The following ZNF232 variants were observed in gnomAD, a reference collection of about 807,000 sequenced individuals.
The protein encoded by ZNF232 is zinc finger and SCAN domain-containing protein 11.
A neutral mutation model predicts 25.2 loss-of-function variants in ZNF232; 25 were observed. The observed-to-expected ratio is 0.99, with a 90% CI of 0.72 to 1.39. The LOEUF (loss-of-function observed/expected upper bound fraction) is 1.39. Among genes scored for constraint, ZNF232 ranks in the 40% most tolerant of loss-of-function variants. The probability of loss-of-function intolerance (pLI) is 0.00; values close to 1 mark genes in which losing one functional copy is unlikely to be tolerated. For missense variants in ZNF232, 519 were observed against 520.9 expected (o/e 1.00, Z 0.04); for synonymous variants, 193 against 182.9 (o/e 1.06, Z -0.45).
chr17:5,106,386 G>A (rs1373569416), exon 4 of ZNF232: 1 of 1,614,086 alleles, frequency 6.2e-7, no homozygotes, highest in Admixed American at 1.7e-5. Flanking sequence ...CTCAGAGGTA[G>A]CTTCAAATGT....
At chr17:5,117,390 CCT>C (rs1316964890) in intron 1 of ZNF232, among the ~76,000 whole-genome samples, 2 of 152,088 alleles carry the variant, frequency 1.3e-5, no homozygotes, top group East Asian at 3.9e-4. Context: ...GAGGCACACA[CCT>C]GTAATCCCAG....
At chr17:5,121,629 T>C in intron 1 of ZNF232, 1 of 160,966 alleles carries the variant, frequency 6.2e-6, no homozygotes, top group South Asian at 1.7e-4. Context: ...GCAGCAGCTG[T>C]GCGAGCTCTG....
chr17:5,110,924 G>A (rs1162793495), intron 1 of ZNF232, among the ~76,000 whole-genome samples: 1 of 152,168 alleles, frequency 6.6e-6, no homozygotes, highest in Non-Finnish European at 1.5e-5. Context: ...AGAGAAGAGG[G>A]AGGGTATGTG....
upstream of ZNF232, among the ~76,000 whole-genome samples, chr17:5,116,192 AG>A (rs1390365976): frequency 2.8e-5 from 4 of 143,680 alleles, no homozygotes; most frequent in Non-Finnish European, 6.4e-5. Flanking sequence ...AGCAGTCAGG[AG>A]GGGCCGCGGG....
At chr17:5,112,182 T>A (rs1371823777), upstream of ZNF232, 2 of 357,144 alleles carry the variant, frequency 5.6e-6, no homozygotes, top group Non-Finnish European at 1.0e-5. Context: ...AGGGCGGTGC[T>A]GGCGGACAGA....
chr17:5,116,321 C>G (rs2143673175), upstream of ZNF232: 1 of 153,986 alleles, frequency 6.5e-6, no homozygotes. Context: ...CCCGGCGGCC[C>G]GCCTCACCAC....
intron 1 of ZNF232, among the ~76,000 whole-genome samples, chr17:5,110,659 C>A (rs2072381361): frequency 1.3e-5 from 2 of 152,134 alleles, no homozygotes; most frequent in African/African-American, 4.8e-5. Context: ...CATTCAAATG[C>A]CAAAGCCCTA....
chr17:5,116,510 G>T (rs954378537), upstream of ZNF232: 2 of 152,370 alleles, frequency 1.3e-5, no homozygotes, highest in South Asian at 2.1e-4. Flanking sequence ...AAAGGCCAGT[G>T]CCTGTCCGGG....
intron 3 of ZNF232, 52 bp downstream of exon 3, chr17:5,108,874 C>T (rs2072325019): frequency 1.2e-6 from 2 of 1,612,362 alleles, no homozygotes; most frequent in Admixed American, 1.7e-5. Context: ...GGTACTGTGC[C>T]CTTTATAGTC....
chr17:5,110,803 C>T (rs1468225434), intron 1 of ZNF232, among the ~76,000 whole-genome samples: 2 of 152,042 alleles, frequency 1.3e-5, no homozygotes, highest in Admixed American at 6.5e-5. Flanking sequence ...GAGGATGCAC[C>T]CAGGAAAAAG....
Position 5,109,321 on chromosome 17 carries a change from C to G in ZNF232, c.498+73G>C, listed in dbSNP as rs545097193. The G allele has an allele frequency of 1.8e-3, 2,816 of 1,574,428 alleles. 7 individuals are homozygous for G. Among genetic ancestry groups the G allele is most frequent in the Non-Finnish European group, 2.3e-3 (2,656 of 1,144,644 alleles). On this transcript the variant is annotated intron_variant, in intron 2 of 3. Coordinates refer to ENST00000575898, the Ensembl canonical transcript of ZNF232. Reference sequence around the variant, plus strand: ...AGAGGTTTGAACTTGGCACCTCCCCCTACAGCTGCCCCTCGGTCCAGCCTG... The same window carrying G: ...AGAGGTTTGAACTTGGCACCTCCCCGTACAGCTGCCCCTCGGTCCAGCCTG...
At chr17:5,114,899 C>G (rs2072493107), upstream of ZNF232, 1 of 152,222 alleles carries the variant, frequency 6.6e-6, no homozygotes, top group African/African-American at 2.4e-5. Flanking sequence ...TGTGAGGACC[C>G]TGTGAGAAGG....
chr17:5,111,297 A>T (rs2072402296), intron 1 of ZNF232: 1 of 159,348 alleles, frequency 6.3e-6, no homozygotes, highest in Non-Finnish European at 1.4e-5. Flanking sequence ...CCTTTGTCAT[A>T]GTAAGTTTGG....
chr17:5,113,393 A>C (rs1231261672), upstream of ZNF232: 1 of 152,250 alleles, frequency 6.6e-6, no homozygotes, highest in African/African-American at 2.4e-5. Context: ...CAGATGAGAA[A>C]ACTCAAGACT....
At chr17:5,116,731 CT>C, upstream of ZNF232, 4 of 152,398 alleles carry the variant, frequency 2.6e-5, no homozygotes, top group Middle Eastern at 0.01. Context: ...CGTTTCTTCA[CT>C]TACTAGTTGT....
intron 1 of ZNF232, chr17:5,111,342 A>C: frequency 1.1e-5 from 2 of 184,114 alleles, no homozygotes; most frequent in Non-Finnish European, 2.2e-5. Context: ...CACACAGGGA[A>C]GGAGGTGGAA....
intron 3 of ZNF232, 27 bp downstream of exon 3, chr17:5,108,899 C>T (rs2143591823): frequency 6.2e-7 from 1 of 1,613,700 alleles, no homozygotes; most frequent in Non-Finnish European, 8.5e-7. Context: ...TTTCTCCTCT[C>T]CCTCCCCACA....
chr17:5,113,503 T>C (rs571396828), upstream of ZNF232: 15 of 152,356 alleles, frequency 9.8e-5, no homozygotes, highest in African/African-American at 3.4e-4. Context: ...ACAGAACAGA[T>C]TGAATCACAA....
exon 2 of ZNF232, chr17:5,109,459 T>C (rs2072342253): frequency 4.3e-6 from 7 of 1,614,094 alleles, no homozygotes; most frequent in Admixed American, 1.7e-5. Flanking sequence ...TCTCCACTCT[T>C]AGGGTGATGT....
Sources: allele counts gnomAD v4.1 joint callset (sites outside exome capture counted in the v4.1 genomes callset), GRCh38; gene constraint gnomAD v4.1.1; transcripts MANE v1.5; gene names NCBI Gene and HGNC (gene_info 2026-07-23, HGNC 2026-07-21).